Variants in TAF3 observed in about 807,000 individuals in gnomAD.
TAF3 encodes TATA-box binding protein associated factor 3, also known as transcription initiation factor TFIID subunit 3.
In TAF3, 7 loss-of-function variants were observed where a neutral mutation model predicts 80.6. The ratio of observed to expected loss-of-function variants is 0.09; its 90% CI spans 0.05 to 0.16. The LOEUF (loss-of-function observed/expected upper bound fraction) is 0.16, where lower values mean the gene tolerates loss of function less well. TAF3 is among the 10% of genes least tolerant of loss of function. The pLI is 1.00. For missense variants in TAF3, 921 were observed against 1,140.2 expected (o/e 0.81, Z 2.77); for synonymous variants, 444 against 446.1 (o/e 1.00, Z 0.06).
intron 2 of TAF3, among the ~76,000 whole-genome samples, chr10:7,852,805 A>G (rs1380406069): frequency 6.6e-6 from 1 of 152,236 alleles, no homozygotes; most frequent in Non-Finnish European, 1.5e-5. Context: ...ACTTCCTATC[A>G]TCTACTATTT....
At chr10:7,874,319 A>G (rs1837295117) in intron 2 of TAF3, among the ~76,000 whole-genome samples, 1 of 152,208 alleles carries the variant, frequency 6.6e-6, no homozygotes, top group South Asian at 2.1e-4. Context: ...ATGCAAAAGG[A>G]CAGCTAGTAG....
At chr10:7,925,822 A>G (rs1405571079) in intron 2 of TAF3, among the ~76,000 whole-genome samples, 1 of 150,080 alleles carries the variant, frequency 6.7e-6, no homozygotes, top group Admixed American at 6.6e-5. Context: ...AGAAAAGAAA[A>G]GAAAAGAAAA....
chr10:7,941,124 C>T (rs910459873), intron 2 of TAF3, among the ~76,000 whole-genome samples: 1 of 152,112 alleles, frequency 6.6e-6, no homozygotes, highest in Non-Finnish European at 1.5e-5. Context: ...AAATATGAAG[C>T]TGAAGGTAAG....
At position 7,968,612 on chromosome 10, in the gene TAF3, C is replaced by T. The variant is rs148622457; in HGVS notation, c.2232+2870C>T. On this transcript the variant is annotated intron_variant, in intron 3 of 6. Coordinates refer to ENST00000344293, the MANE Select transcript of TAF3 (RefSeq NM_031923.4). ...ACTATGTGCCAAACACCATGCTAAG[C>T]ACTTTAATTCCTTACCACAACCCTC... Among the ~76,000 whole-genome samples, 566 of 152,292 alleles carry T rather than the reference C, an allele frequency of 3.7e-3. 4 individuals are homozygous for T. The highest frequency in any genetic ancestry group is 0.02 in the South Asian group (96 of 4,826).
intron 2 of TAF3, among the ~76,000 whole-genome samples, chr10:7,900,126 A>G (rs1466138818): frequency 6.6e-6 from 1 of 152,208 alleles, no homozygotes; most frequent in Non-Finnish European, 1.5e-5. Flanking sequence ...AAATCCACTG[A>G]CTGCTACAAC....
Position 7,964,362 on chromosome 10 carries a change from A to G in TAF3, c.852A>G (p.Lys284=), listed in dbSNP as rs771879734. 1.2e-6 allele frequency: 2 copies of G among 1,614,140 alleles called. No individual in the cohort carries two copies. Among genetic ancestry groups the G allele is most frequent in the East Asian group, 4.5e-5 (2 of 44,884 alleles). ...CTAGCTCTCCAGGACAGAAGACTAA[A>G]TCACCTAAAACCGCCCAGTCACCAG... is the stretch of plus-strand genomic sequence containing the variant. ...TKTSSPGQKT[K]SPKTAQSPAM... is the part of the protein sequence containing the mutation. Residue 284 remains lysine, a synonymous_variant, in exon 3 of 7, where the codon AAA becomes AAG. Coordinates refer to ENST00000344293, the MANE Select transcript of TAF3 (RefSeq NM_031923.4). This position sits in a 1 kb window ranked among gnomAD's most constrained non-coding sequence, Gnocchi z 4.1.
At chr10:7,936,608 A>G (rs934500515) in intron 2 of TAF3, among the ~76,000 whole-genome samples, 1 of 151,768 alleles carries the variant, frequency 6.6e-6, no homozygotes, top group Non-Finnish European at 1.5e-5. Context: ...TGCTCCCTCC[A>G]CAGCCTCCCC....
intron 2 of TAF3, among the ~76,000 whole-genome samples, chr10:7,868,981 T>C (rs1478695179): frequency 1.3e-5 from 2 of 152,194 alleles, no homozygotes; most frequent in Admixed American, 6.5e-5. Flanking sequence ...CTCCATATTT[T>C]TTTCTAGCAA....
At chr10:7,884,258 C>G (rs1208666038) in intron 2 of TAF3, among the ~76,000 whole-genome samples, 1 of 152,154 alleles carries the variant, frequency 6.6e-6, no homozygotes, top group Non-Finnish European at 1.5e-5. Context: ...CAAGCTCCCT[C>G]CTATGTCCTT....
chr10:8,006,501 G>A (rs923238020), intron 4 of TAF3, among the ~76,000 whole-genome samples: 8 of 152,178 alleles, frequency 5.3e-5, no homozygotes, highest in South Asian at 2.1e-4. Flanking sequence ...AATATTCATC[G>A]GTTATGATGT....
intron 2 of TAF3, among the ~76,000 whole-genome samples, chr10:7,912,082 T>TA (rs1837661926): frequency 2.6e-5 from 4 of 152,218 alleles, no homozygotes; most frequent in African/African-American, 9.7e-5. Context: ...AGATATTTTT[T>TA]ATGTAGAATA....
intron 3 of TAF3, among the ~76,000 whole-genome samples, chr10:7,966,874 T>C (rs1831576128): frequency 6.6e-6 from 1 of 152,210 alleles, no homozygotes; most frequent in African/African-American, 2.4e-5. Flanking sequence ...TATAAAAAAG[T>C]GAAATGGGAA....
intron 2 of TAF3, among the ~76,000 whole-genome samples, chr10:7,859,654 GC>G (rs2131134094): frequency 6.6e-6 from 1 of 152,288 alleles, no homozygotes; most frequent in African/African-American, 2.4e-5. Context: ...CGGTTCATCT[GC>G]CCATTGTGTT....
chr10:7,873,317 A>G (rs925969191), intron 2 of TAF3, among the ~76,000 whole-genome samples: 3 of 152,174 alleles, frequency 2.0e-5, no homozygotes, highest in African/African-American at 7.2e-5. Flanking sequence ...CTATTTTAAA[A>G]GGTGGAAAAC....
intron 4 of TAF3, among the ~76,000 whole-genome samples, chr10:7,993,126 A>G (rs931893259): frequency 6.6e-6 from 1 of 152,204 alleles, no homozygotes; most frequent in Admixed American, 6.5e-5. Flanking sequence ...ATATCTCATA[A>G]GGACTTGTAA....
intron 2 of TAF3, among the ~76,000 whole-genome samples, chr10:7,933,203 T>C (rs1019676047): frequency 4.6e-5 from 7 of 152,188 alleles, no homozygotes; most frequent in African/African-American, 1.7e-4. Flanking sequence ...TACATAGAAA[T>C]TCACTGTAGG....
At chr10:7,935,122 C>T (rs1837904313) in intron 2 of TAF3, among the ~76,000 whole-genome samples, 1 of 151,948 alleles carries the variant, frequency 6.6e-6, no homozygotes, top group African/African-American at 2.4e-5. Context: ...ATTAAAAATA[C>T]AAAAATCAGC....
At chr10:7,954,355 G>A (rs1254499034) in intron 2 of TAF3, among the ~76,000 whole-genome samples, 3 of 129,798 alleles carry the variant, frequency 2.3e-5, no homozygotes, top group Admixed American at 1.6e-4. Flanking sequence ...TTAACACAGA[G>A]CTCTCCATAG....
intron 2 of TAF3, among the ~76,000 whole-genome samples, chr10:7,831,070 G>A (rs539775017): frequency 6.6e-6 from 1 of 152,254 alleles, no homozygotes; most frequent in East Asian, 1.9e-4. Context: ...TTCATTAGGG[G>A]TTACAAAGTA....
Sources: allele counts gnomAD v4.1 joint callset (sites outside exome capture counted in the v4.1 genomes callset), GRCh38; gene constraint gnomAD v4.1.1; non-coding constraint Gnocchi (gnomAD v3.1); transcripts MANE v1.5; gene names NCBI Gene and HGNC (gene_info 2026-07-23, HGNC 2026-07-21).